The following BEND7 variants were observed in gnomAD, a reference collection of about 807,000 sequenced individuals.
BEND7 encodes the protein BEN domain-containing protein 7.
Under a neutral mutation model 50.9 loss-of-function variants are expected in BEND7, and 28 were observed. That is an observed-to-expected ratio of 0.55 (90% CI 0.41 to 0.75). The LOEUF is 0.75. Among genes scored for constraint, BEND7 ranks in the 30% least tolerant of loss-of-function variants. The pLI, the probability that BEND7 is intolerant of heterozygous loss-of-function variation, is 0.00. For synonymous variants in BEND7, 170 were observed against 183.9 expected (o/e 0.92, Z 0.61); for missense variants, 477 against 491.3 (o/e 0.97, Z 0.28).
At position 13,499,909 on chromosome 10, in the gene BEND7, G is replaced by A. The variant is rs143151482; in HGVS notation, c.317C>T (p.Pro106Leu). The change falls in exon 3 of 9, where the codon CCG (proline) becomes CTG (leucine). Residue 106 changes from proline to leucine, a missense_variant. Around this residue, in one of 3 missense-constraint regions of BEND7, gnomAD observed 396 missense variants for 384.2 expected, o/e 1.03. Coordinates refer to ENST00000466271, the MANE Select transcript of BEND7 (RefSeq NM_001369863.1). ...ACGTGAAGACGGGTGGAGGCTTTGC[G>A]GGGCCTCAGCAGAGGAGTTCAAACG... ...PPRLNSSAEA[P>L]QSLHPSSRGV... is the part of the protein sequence containing the mutation. 27 of 1,614,046 alleles carry A rather than the reference G, an allele frequency of 1.7e-5. No homozygotes were observed. The highest frequency in any genetic ancestry group is 5.5e-5 in the South Asian group (5 of 91,082).
intron 5 of BEND7, among the ~76,000 whole-genome samples, chr10:13,484,960 T>G (rs2076116086): frequency 1.3e-5 from 2 of 152,226 alleles, no homozygotes; most frequent in African/African-American, 4.8e-5. Flanking sequence ...ATGTCCTGGA[T>G]CCAGGCCTGT....
chr10:13,447,189 A>C, intron 8 of BEND7, 77 bp downstream of exon 8: 1 of 1,477,232 alleles, frequency 6.8e-7, no homozygotes, highest in Non-Finnish European at 9.3e-7. Context: ...TCTAATGTTA[A>C]AATCGTTTTC....
At chr10:13,505,126 G>T (rs1268686444) in intron 2 of BEND7, among the ~76,000 whole-genome samples, 2 of 152,226 alleles carry the variant, frequency 1.3e-5, no homozygotes, top group East Asian at 1.9e-4. Flanking sequence ...TTAAATATAA[G>T]TGGGAGTTTT....
chr10:13,510,359 G>A (rs529723979), intron 2 of BEND7, among the ~76,000 whole-genome samples: 48 of 152,150 alleles, frequency 3.2e-4, no homozygotes, highest in Non-Finnish European at 5.4e-4. Context: ...GCTGTTGGTA[G>A]GGATGTAATT....
At chr10:13,508,064 C>A (rs2078021769) in intron 2 of BEND7, among the ~76,000 whole-genome samples, 1 of 152,212 alleles carries the variant, frequency 6.6e-6, no homozygotes, top group South Asian at 2.1e-4. Context: ...GGCCTTCAGG[C>A]TTGCGGGCAG....
intron 7 of BEND7, among the ~76,000 whole-genome samples, chr10:13,452,149 T>C (rs1379047593): frequency 3.3e-5 from 5 of 152,218 alleles, no homozygotes. Flanking sequence ...AAGAGCTTCT[T>C]TCTTCTTTTT....
In BEND7 at chr10:13,498,328, C is replaced by T. The variant is rs551625106; in HGVS notation, c.449-1440G>A. 5.9e-5 allele frequency among the ~76,000 whole-genome samples: 9 copies of T among 152,294 alleles called. 1 individual carries two copies. In the South Asian group the frequency reaches 6.2e-4, roughly 11 times the overall value. Reference sequence around the variant, plus strand: ...CTGGCCTCAAGCAATCCACTCATCTCGGCCTCCCAAAGCGTTAGGACTACA... The same window carrying T: ...CTGGCCTCAAGCAATCCACTCATCTTGGCCTCCCAAAGCGTTAGGACTACA... On this transcript the variant is annotated intron_variant, in intron 3 of 8. Transcript: ENST00000466271.
intron 6 of BEND7, among the ~76,000 whole-genome samples, chr10:13,468,866 G>A (rs1468071836): frequency 6.6e-6 from 1 of 152,252 alleles, no homozygotes; most frequent in Non-Finnish European, 1.5e-5. Flanking sequence ...TTGCAAGGGG[G>A]TATCAGGGTT....
At chr10:13,525,880 C>T (rs1024054366) in intron 2 of BEND7, among the ~76,000 whole-genome samples, 3 of 152,214 alleles carry the variant, frequency 2.0e-5, no homozygotes, top group African/African-American at 7.2e-5. Flanking sequence ...CAAAACTGCA[C>T]AGTCAGCATC....
intron 6 of BEND7, 123 bp from the exon 7 acceptor site, chr10:13,452,781 T>C (rs1838053991): frequency 2.4e-6 from 2 of 850,408 alleles, no homozygotes; most frequent in Admixed American, 6.3e-5. Flanking sequence ...CTGCACGATA[T>C]GTCTTCGGTA....
intron 2 of BEND7, among the ~76,000 whole-genome samples, chr10:13,521,202 G>C (rs902381542): frequency 7.2e-5 from 11 of 152,140 alleles, no homozygotes; most frequent in Non-Finnish European, 1.6e-4. Context: ...CATACTGGGG[G>C]TTCCGCTTGG....
chr10:13,480,715 G>A, intron 6 of BEND7, 184 bp downstream of exon 6: 1 of 985,284 alleles, frequency 1.0e-6, no homozygotes, highest in Non-Finnish European at 1.2e-6. Context: ...CTTGAATAAT[G>A]AATTCTAGTG....
intron 6 of BEND7, among the ~76,000 whole-genome samples, chr10:13,464,121 C>T (rs780058926): frequency 1.1e-4 from 17 of 152,320 alleles, no homozygotes; most frequent in Middle Eastern, 6.8e-3. Flanking sequence ...TAATGCCCAG[C>T]GAAGCTGAAG....
intron 6 of BEND7, among the ~76,000 whole-genome samples, chr10:13,478,235 T>A (rs1052702678): frequency 1.3e-5 from 2 of 152,162 alleles, no homozygotes; most frequent in African/African-American, 4.8e-5. Context: ...TTCCCCCTGG[T>A]TCATGACACT....
intron 2 of BEND7, among the ~76,000 whole-genome samples, chr10:13,513,009 C>T (rs907512751): frequency 6.6e-6 from 1 of 152,162 alleles, no homozygotes; most frequent in African/African-American, 2.4e-5. Flanking sequence ...TTCATGATGA[C>T]CTAGAACGCA....
At chr10:13,521,621 T>G (rs912365474) in intron 2 of BEND7, among the ~76,000 whole-genome samples, 1 of 152,204 alleles carries the variant, frequency 6.6e-6, no homozygotes, top group African/African-American at 2.4e-5. Flanking sequence ...TTCCACATAC[T>G]GGGATTTTGG....
intron 6 of BEND7, among the ~76,000 whole-genome samples, chr10:13,475,531 C>T (rs1171187127): frequency 6.6e-6 from 1 of 152,112 alleles, no homozygotes; most frequent in African/African-American, 2.4e-5. Context: ...TTTTTCCTCC[C>T]AAGCACAGTG....
At chr10:13,514,277 T>A (rs533632050) in intron 2 of BEND7, among the ~76,000 whole-genome samples, 1 of 152,260 alleles carries the variant, frequency 6.6e-6, no homozygotes, top group Admixed American at 6.5e-5. Flanking sequence ...ATAACAGATA[T>A]GACGAGAAGA....
chr10:13,447,727 T>A (rs1158880284), intron 7 of BEND7, among the ~76,000 whole-genome samples: 9 of 152,060 alleles, frequency 5.9e-5, no homozygotes, highest in Admixed American at 5.9e-4. Flanking sequence ...GTATTTTTAG[T>A]AGAGGCGGGG....
Sources: allele counts gnomAD v4.1 joint callset (sites outside exome capture counted in the v4.1 genomes callset), GRCh38; gene constraint gnomAD v4.1.1; regional missense constraint gnomAD v4.1.1; transcripts MANE v1.5; gene names NCBI Gene and HGNC (gene_info 2026-07-23, HGNC 2026-07-21).